Variants in SEM1 observed in about 807,000 individuals in gnomAD.
SEM1 encodes 26S proteasome complex subunit SEM1.
SEM1 carries 3 observed loss-of-function variants against 12.7 expected under a neutral mutation model. The ratio of observed to expected loss-of-function variants is 0.24; its 90% CI spans 0.11 to 0.61. SEM1 has a LOEUF of 0.61. SEM1 is among the 20% of genes least tolerant of loss of function. The pLI is 0.88. For missense variants in SEM1, 59 were observed against 81.3 expected (o/e 0.73, Z 1.06); for synonymous variants, 30 against 27.8 (o/e 1.08, Z -0.25).
chr7:96,539,877 TTA>T (rs1398426067), intron 2 of SEM1, among the ~76,000 whole-genome samples: 1 of 151,484 alleles, frequency 6.6e-6, no homozygotes, highest in Non-Finnish European at 1.5e-5. Flanking sequence ...TAAAATAATT[TTA>T]TAATATTAGG....
intron 2 of SEM1, chr7:96,558,281 A>T (rs1389241267): frequency 6.6e-6 from 1 of 152,492 alleles, no homozygotes; most frequent in Non-Finnish European, 1.5e-5. Flanking sequence ...AACAGAAAAG[A>T]AGCAAAGGGC....
chr7:96,527,545 T>C (rs1251986137), intron 2 of SEM1, among the ~76,000 whole-genome samples: 1 of 152,134 alleles, frequency 6.6e-6, no homozygotes, highest in African/African-American at 2.4e-5. Flanking sequence ...AAAAATAAAC[T>C]TCTCAGAATC....
At chr7:96,663,611 C>G (rs926799156) in intron 2 of SEM1, among the ~76,000 whole-genome samples, 1 of 152,084 alleles carries the variant, frequency 6.6e-6, no homozygotes, top group African/African-American at 2.4e-5. Flanking sequence ...CAGGTTTGAC[C>G]AGTAGCATGT....
At chr7:96,647,056 A>C (rs1808816556) in intron 2 of SEM1, among the ~76,000 whole-genome samples, 2 of 152,216 alleles carry the variant, frequency 1.3e-5, no homozygotes, top group Non-Finnish European at 2.9e-5. Flanking sequence ...GCAAATATTG[A>C]GAAGTTTACA....
chr7:96,534,234 A>G (rs984778002), intron 2 of SEM1, among the ~76,000 whole-genome samples: 1 of 152,094 alleles, frequency 6.6e-6, no homozygotes, highest in African/African-American at 2.4e-5. Context: ...GCCAACAAAA[A>G]AAAGTTCAGC....
In SEM1 at chr7:96,655,441, C is replaced by T. The variant is rs1309514148; in HGVS notation, c.171-32798G>A. ...ATTTGACATAAAATCAATGCAAATA[C>T]CTTTTTTTTTTTTTTTTGTATTTTT... On this transcript the variant is annotated intron_variant, in intron 2 of 2. Transcript: ENST00000417009. Among the ~76,000 whole-genome samples, 3 of 126,152 alleles carry T rather than the reference C, an allele frequency of 2.4e-5. No homozygotes were observed. The East Asian group carries it at 6.2e-4, about 26-fold the overall frequency. 82.8% of individuals were successfully genotyped at this position (126,152 alleles called of 152,430 possible).
chr7:96,673,748 G>A, exon 3 of SEM1: 3 of 765,214 alleles, frequency 3.9e-6, no homozygotes, highest in Non-Finnish European at 7.2e-6. Context: ...ACACATACAG[G>A]TTGATGATCT....
intron 2 of SEM1, among the ~76,000 whole-genome samples, chr7:96,532,929 GAA>G (rs1312048363): frequency 6.6e-6 from 1 of 151,996 alleles, no homozygotes; most frequent in East Asian, 1.9e-4. Flanking sequence ...AATATCTCCT[GAA>G]CTGCACTTGC....
intron 2 of SEM1, among the ~76,000 whole-genome samples, chr7:96,532,427 C>T (rs1430711739): frequency 6.6e-6 from 1 of 152,062 alleles, no homozygotes; most frequent in Non-Finnish European, 1.5e-5. Flanking sequence ...CTTCATGGAG[C>T]ATTACAAAAT....
Position 96,608,588 on chromosome 7 carries a change from C to G in SEM1, c.170+86210G>C, listed in dbSNP as rs533337013. The stretch of plus-strand genomic sequence containing the variant: ...CACTTGGAGTCCAGTCTCCATTTTC[C>G]CTCCCTCACATACAGCCCTAGGCAA... On this transcript the variant is annotated intron_variant and NMD_transcript_variant, in intron 2 of 3. Transcript: ENST00000466986. Among the ~76,000 whole-genome samples, 4 of 152,172 alleles carry G rather than the reference C, an allele frequency of 2.6e-5. 1 individual carries two copies. In the East Asian group the frequency reaches 7.7e-4, roughly 29 times the overall value.
At chr7:96,709,589 C>T in intron 1 of SEM1, 99 bp downstream of exon 1, 1 of 1,154,774 alleles carries the variant, frequency 8.7e-7, no homozygotes. Flanking sequence ...TCCAAACTTC[C>T]CGCCGGTGCC....
chr7:96,553,900 A>T (rs1279336121), intron 2 of SEM1, among the ~76,000 whole-genome samples: 1 of 152,102 alleles, frequency 6.6e-6, no homozygotes, highest in Non-Finnish European at 1.5e-5. Flanking sequence ...CTCCTTGAAG[A>T]GGTCCTTCAC....
At chr7:96,608,597 C>T (rs1048017368) in intron 2 of SEM1, among the ~76,000 whole-genome samples, 1 of 152,174 alleles carries the variant, frequency 6.6e-6, no homozygotes, top group African/African-American at 2.4e-5. Flanking sequence ...CCCTCCCTCA[C>T]ATACAGCCCT....
intron 3 of SEM1, among the ~76,000 whole-genome samples, chr7:96,503,159 C>A (rs753590534): frequency 2.0e-5 from 3 of 152,112 alleles, no homozygotes; most frequent in Non-Finnish European, 4.4e-5. Flanking sequence ...TGGCTATGAT[C>A]AGCTCGGTTG....
At chr7:96,539,175 T>G (rs967861109) in intron 2 of SEM1, among the ~76,000 whole-genome samples, 2 of 151,782 alleles carry the variant, frequency 1.3e-5, no homozygotes, top group African/African-American at 2.4e-5. Flanking sequence ...TGCAAGTGGA[T>G]CCTTCCCCAG....
intron 2 of SEM1, among the ~76,000 whole-genome samples, chr7:96,537,463 G>C (rs910439407): frequency 6.6e-6 from 1 of 151,502 alleles, no homozygotes; most frequent in African/African-American, 2.4e-5. Flanking sequence ...AATTACCTCA[G>C]TTTTTGCTTA....
chr7:96,567,200 A>T (rs1001903564), intron 2 of SEM1, among the ~76,000 whole-genome samples: 1 of 151,572 alleles, frequency 6.6e-6, no homozygotes, highest in African/African-American at 2.4e-5. Flanking sequence ...CTTATCCAAT[A>T]AAAGGTATAT....
At chr7:96,529,818 C>T (rs1804587554) in intron 2 of SEM1, among the ~76,000 whole-genome samples, 1 of 152,220 alleles carries the variant, frequency 6.6e-6, no homozygotes, top group Middle Eastern at 3.4e-3. Context: ...AAAACAAACA[C>T]ACACTTTGGG....
At chr7:96,573,948 T>A (rs1351625996) in intron 2 of SEM1, among the ~76,000 whole-genome samples, 2 of 151,630 alleles carry the variant, frequency 1.3e-5, no homozygotes, top group African/African-American at 4.8e-5. Flanking sequence ...TAATATTTTT[T>A]ATTATACTTT....
Sources: gnomAD v4.1 joint callset for allele counts (sites outside exome capture counted in the v4.1 genomes callset) on GRCh38, gnomAD v4.1.1 for gene constraint, MANE v1.5 for transcripts, NCBI Gene and HGNC (gene_info 2026-07-23, HGNC 2026-07-21) for gene names.